The following ACER2 variants were observed in gnomAD, a reference collection of about 807,000 sequenced individuals.
The protein encoded by ACER2 is alkCDase 2.
ACER2 carries 26 observed loss-of-function variants against 34.7 expected under a neutral mutation model. The observed-to-expected ratio is 0.75, with a 90% confidence interval of 0.55 to 1.04. The LOEUF (loss-of-function observed/expected upper bound fraction) is 1.04, where lower values mean the gene tolerates loss of function less well. Among genes scored for constraint, ACER2 ranks in the 50% least tolerant of loss-of-function variants. The probability of loss-of-function intolerance (pLI) is 0.00; values close to 1 mark genes in which losing one functional copy is unlikely to be tolerated. For synonymous variants in ACER2, 138 were observed against 132.1 expected (o/e 1.04, Z -0.31); for missense variants, 352 against 340.8 (o/e 1.03, Z -0.26).
In ACER2 at chr9:19,432,282, T is replaced by C. The variant is rs576593787; in HGVS notation, c.366-2665T>C. Among the ~76,000 whole-genome samples, 39 of 152,316 alleles carry C rather than the reference T, an allele frequency of 2.6e-4. 1 individual carries two copies. Among genetic ancestry groups the C allele is most frequent in the Non-Finnish European group, 5.1e-4 (35 of 68,030 alleles). ...GTCTATTGGAATTTTTTCTTAAAACTTTTTTTGGGTGTGCTAGACATGTAG... is the reference window on the plus strand; with the variant it reads ...GTCTATTGGAATTTTTTCTTAAAACCTTTTTTGGGTGTGCTAGACATGTAG... On this transcript the variant is annotated intron_variant, in intron 3 of 5. Coordinates refer to ENST00000340967, the MANE Select transcript of ACER2 (RefSeq NM_001010887.3).
chr9:19,439,314 A>G (rs1320326875), intron 4 of ACER2, among the ~76,000 whole-genome samples: 2 of 146,644 alleles, frequency 1.4e-5, no homozygotes, highest in African/African-American at 2.5e-5. Flanking sequence ...ATTGTCCTCT[A>G]TATTGCTGCT....
chr9:19,423,061 G>T (rs867175506), intron 1 of ACER2, among the ~76,000 whole-genome samples: 6 of 150,946 alleles, frequency 4.0e-5, no homozygotes, highest in Middle Eastern at 6.9e-3. Context: ...AGTAAATGGA[G>T]CCAGGCATGG....
chr9:19,448,370 C>T (rs1831444025), intron 5 of ACER2, among the ~76,000 whole-genome samples: 1 of 152,142 alleles, frequency 6.6e-6, no homozygotes, highest in Non-Finnish European at 1.5e-5. Context: ...TAATGCTATA[C>T]AGACATCATT....
intron 1 of ACER2, among the ~76,000 whole-genome samples, chr9:19,419,909 G>A (rs1267147042): frequency 6.6e-6 from 1 of 152,078 alleles, no homozygotes; most frequent in East Asian, 1.9e-4. Flanking sequence ...CCTGACCAAG[G>A]ATCTTTTTCT....
chr9:19,412,740 T>C (rs1361406428), intron 1 of ACER2, among the ~76,000 whole-genome samples: 2 of 152,122 alleles, frequency 1.3e-5, no homozygotes, highest in East Asian at 1.9e-4. Flanking sequence ...GTGTAAACTC[T>C]TATGTACCTT....
intron 1 of ACER2, among the ~76,000 whole-genome samples, chr9:19,415,686 G>A (rs979890976): frequency 2.1e-4 from 32 of 152,102 alleles, no homozygotes; most frequent in Admixed American, 1.8e-3. Context: ...AAGCCATTGC[G>A]GGACAGCTTG....
chr9:19,409,305 TC>T, intron 1 of ACER2, 113 bp downstream of exon 1: 1 of 1,032,892 alleles, frequency 9.7e-7, no homozygotes, highest in Non-Finnish European at 1.4e-6. Context: ...GGGCATTCTC[TC>T]CAGGGGCTGA....
chr9:19,425,181 C>G (rs1484863766), intron 3 of ACER2, among the ~76,000 whole-genome samples: 1 of 152,240 alleles, frequency 6.6e-6, no homozygotes, highest in Non-Finnish European at 1.5e-5. Flanking sequence ...TCTGCTACAA[C>G]ATTTCCTTGA....
At chr9:19,428,400 T>G (rs998356897) in intron 3 of ACER2, among the ~76,000 whole-genome samples, 4 of 151,740 alleles carry the variant, frequency 2.6e-5, no homozygotes, top group Admixed American at 2.0e-4. Context: ...ACTCCTCACC[T>G]CAGGTGATCT....
intron 4 of ACER2, among the ~76,000 whole-genome samples, chr9:19,442,768 T>G (rs1831198252): frequency 6.6e-6 from 1 of 152,262 alleles, no homozygotes; most frequent in African/African-American, 2.4e-5. Context: ...ATTTTTTAAA[T>G]TCAAGGCAAG....
At chr9:19,422,024 C>T (rs1458194721) in intron 1 of ACER2, among the ~76,000 whole-genome samples, 3 of 151,778 alleles carry the variant, frequency 2.0e-5, no homozygotes, top group African/African-American at 7.3e-5. Flanking sequence ...TGACTCATGC[C>T]TATAATCCCA....
intron 1 of ACER2, among the ~76,000 whole-genome samples, chr9:19,419,443 G>A (rs930881222): frequency 3.3e-5 from 5 of 152,122 alleles, no homozygotes; most frequent in Admixed American, 6.6e-5. Context: ...ACTCCTATGT[G>A]GGAAGGAGAG....
intron 5 of ACER2, chr9:19,450,143 G>T (rs1831513571): frequency 1.0e-6 from 1 of 956,138 alleles, no homozygotes; most frequent in South Asian, 4.8e-5. Context: ...TAGCATCTCT[G>T]TTGTAAATCC....
At chr9:19,420,728 T>TA (rs1830378976) in intron 1 of ACER2, among the ~76,000 whole-genome samples, 1 of 152,162 alleles carries the variant, frequency 6.6e-6, no homozygotes, top group Non-Finnish European at 1.5e-5. Flanking sequence ...ATTCATTTCT[T>TA]ACAGTTCTAG....
chr9:19,409,257 C>T, intron 1 of ACER2, 65 bp downstream of exon 1: 1 of 1,475,986 alleles, frequency 6.8e-7, no homozygotes, highest in East Asian at 2.5e-5. Context: ...CGCGCCGCAG[C>T]GTCTGGAAGC....
At chr9:19,415,805 G>A (rs376524997) in intron 1 of ACER2, among the ~76,000 whole-genome samples, 17 of 152,218 alleles carry the variant, frequency 1.1e-4, no homozygotes, top group African/African-American at 3.6e-4. Context: ...AACATTATAA[G>A]TGGGACTGTA....
intron 3 of ACER2, among the ~76,000 whole-genome samples, chr9:19,430,789 C>T (rs1242966505): frequency 2.0e-5 from 3 of 152,088 alleles, no homozygotes; most frequent in Non-Finnish European, 4.4e-5. Context: ...GAAACCCCAT[C>T]TCTACTAAAA....
At chr9:19,450,180 C>T in intron 5 of ACER2, 1 of 985,182 alleles carries the variant, frequency 1.0e-6, no homozygotes, top group Non-Finnish European at 1.2e-6. Flanking sequence ...TTGTTTGAGG[C>T]CCAAAGGCAT....
At chr9:19,430,970 A>G (rs1457094059) in intron 3 of ACER2, among the ~76,000 whole-genome samples, 4 of 151,642 alleles carry the variant, frequency 2.6e-5, no homozygotes, top group African/African-American at 9.7e-5. Flanking sequence ...AAAAAACAAA[A>G]AAACAAAAAA....
Sources: gnomAD v4.1 joint callset for allele counts (sites outside exome capture counted in the v4.1 genomes callset) on GRCh38, gnomAD v4.1.1 for gene constraint, MANE v1.5 for transcripts, NCBI Gene and HGNC (gene_info 2026-07-23, HGNC 2026-07-21) for gene names.